The following CSMD1 variants were observed in gnomAD, a reference collection of about 807,000 sequenced individuals.
CSMD1 encodes the protein CUB and Sushi multiple domains 1.
Under a neutral mutation model 417.5 loss-of-function variants are expected in CSMD1, and 213 were observed. That is an observed-to-expected ratio of 0.51 (90% CI 0.46 to 0.57). CSMD1 has a LOEUF of 0.57. Among genes scored for constraint, CSMD1 ranks in the 20% least tolerant of loss-of-function variants. The probability of loss-of-function intolerance (pLI) is 0.00; values close to 1 mark genes in which losing one functional copy is unlikely to be tolerated. For missense variants in CSMD1, 6,923 were observed against 4,529.7 expected, an observed-to-expected ratio of 1.53 and a Z score of -15.17; for synonymous variants, 2,862 against 1,736.8, an observed-to-expected ratio of 1.65 and a Z score of -16.11.
intron 5 of CSMD1, among the ~76,000 whole-genome samples, chr8:3,867,260 G>C (rs985930356): frequency 8.5e-5 from 13 of 152,216 alleles, no homozygotes; most frequent in East Asian, 3.9e-4. Context: ...TAAGAAGCAA[G>C]ACCATACCAT....
At chr8:3,246,964 T>C (rs897559682) in intron 26 of CSMD1, among the ~76,000 whole-genome samples, 2 of 152,164 alleles carry the variant, frequency 1.3e-5, no homozygotes, top group Non-Finnish European at 2.9e-5. Context: ...TTATAGAACT[T>C]TTGTAAGTGA....
rs575149059 is a variant in CSMD1, at chr8:3,988,437, C to T, written c.818+9466G>A. Among the ~76,000 whole-genome samples, 7 of 152,252 alleles carry T rather than the reference C, an allele frequency of 4.6e-5. No homozygotes were observed. The South Asian group carries it at 8.3e-4, about 18-fold the overall frequency. ...TAGGTCTGTGTTTGTCAAATATGTA[C>T]GCCACTCACAAACACCCTAACCTCT... is the stretch of plus-strand genomic sequence containing the variant. On this transcript the variant is annotated intron_variant, in intron 5 of 69. Transcript: ENST00000635120.
At chr8:4,736,290 T>C (rs1810229372) in intron 1 of CSMD1, among the ~76,000 whole-genome samples, 1 of 152,186 alleles carries the variant, frequency 6.6e-6, no homozygotes. Context: ...GCACACTCTG[T>C]TGTGTATCCA....
intron 3 of CSMD1, among the ~76,000 whole-genome samples, chr8:4,395,466 T>G (rs924401866): frequency 6.6e-6 from 1 of 151,380 alleles, no homozygotes. Flanking sequence ...GCAGCAAGAT[T>G]ACTGTTTCGA....
intron 2 of CSMD1, among the ~76,000 whole-genome samples, chr8:4,526,419 C>T (rs1185782504): frequency 1.3e-5 from 2 of 152,212 alleles, no homozygotes; most frequent in African/African-American, 4.8e-5. Flanking sequence ...TGCCCAAGGG[C>T]AAATGCCTAG....
chr8:4,631,003 G>C (rs1802477487), intron 2 of CSMD1, among the ~76,000 whole-genome samples: 1 of 152,162 alleles, frequency 6.6e-6, no homozygotes, highest in Non-Finnish European at 1.5e-5. Flanking sequence ...CCCTATAAAA[G>C]CTTTGACAGT....
At chr8:4,577,613 G>C (rs915816463) in intron 2 of CSMD1, among the ~76,000 whole-genome samples, 2 of 152,064 alleles carry the variant, frequency 1.3e-5, no homozygotes, top group African/African-American at 4.8e-5. Flanking sequence ...TTCTTCACCA[G>C]GTAAGTCTTA....
chr8:4,579,035 T>A (rs930961821), intron 2 of CSMD1, among the ~76,000 whole-genome samples: 1 of 151,842 alleles, frequency 6.6e-6, no homozygotes, highest in Admixed American at 6.6e-5. Flanking sequence ...AAAGGCACAA[T>A]GTTAGACACT....
intron 49 of CSMD1, among the ~76,000 whole-genome samples, chr8:3,080,309 G>A (rs141426355): frequency 9.2e-5 from 14 of 152,258 alleles, no homozygotes; most frequent in Non-Finnish European, 1.8e-4. Flanking sequence ...TGCTGATAAT[G>A]GAAACAGCTG....
chr8:3,969,788 A>T (rs928845789), intron 5 of CSMD1, among the ~76,000 whole-genome samples: 2 of 152,164 alleles, frequency 1.3e-5, no homozygotes, highest in African/African-American at 4.8e-5. Context: ...CTGAAGAAGA[A>T]ATCTAACCTC....
intron 2 of CSMD1, among the ~76,000 whole-genome samples, chr8:4,469,260 CT>C (rs1800377499): frequency 6.6e-6 from 1 of 152,176 alleles, no homozygotes; most frequent in Admixed American, 6.5e-5. Context: ...AGGGGTCAGG[CT>C]GCAGCAAAGA....
chr8:4,078,908 T>G (rs1799975894), intron 3 of CSMD1, among the ~76,000 whole-genome samples: 1 of 39,848 alleles, frequency 2.5e-5, no homozygotes, highest in Admixed American at 3.2e-4. Flanking sequence ...TATATATATA[T>G]ATATATATAT....
In CSMD1 at chr8:4,723,792, A is replaced by AC. The variant is rs1447082997; in HGVS notation, c.86-86235_86-86234insG. On this transcript the variant is annotated intron_variant, in intron 1 of 69. Coordinates refer to ENST00000635120, the MANE Select transcript of CSMD1 (RefSeq NM_033225.6). ...ATGCAATATGCTTTCGAATGTAAAA[A>AC]AAAAAAAACAAAAAAAAAACAAAAC... Among the ~76,000 whole-genome samples, 38 of 145,972 alleles carry AC rather than the reference A, an allele frequency of 2.6e-4. No individual in the cohort carries two copies. The East Asian group carries it at 6.5e-3, about 25-fold the overall frequency.
intron 41 of CSMD1, among the ~76,000 whole-genome samples, 172 bp from the exon 42 acceptor site, chr8:3,118,759 G>A (rs187244182): frequency 6.6e-6 from 1 of 152,190 alleles, no homozygotes; most frequent in African/African-American, 2.4e-5. Flanking sequence ...ATTATTATTA[G>A]TAGTAGTAGA....
At chr8:4,559,239 A>G (rs1179937860) in intron 2 of CSMD1, among the ~76,000 whole-genome samples, 1 of 149,538 alleles carries the variant, frequency 6.7e-6, no homozygotes, top group Non-Finnish European at 1.5e-5. Context: ...AAAATGTTGG[A>G]TAAACTTAAA....
intron 25 of CSMD1, among the ~76,000 whole-genome samples, chr8:3,286,771 G>A (rs1354395309): frequency 1.3e-5 from 2 of 152,096 alleles, no homozygotes; most frequent in East Asian, 3.9e-4. Flanking sequence ...CATTCTGTAG[G>A]TTGAGTGTTG....
chr8:4,040,167 G>C (rs1196348629), intron 3 of CSMD1, among the ~76,000 whole-genome samples: 1 of 152,158 alleles, frequency 6.6e-6, no homozygotes, highest in African/African-American at 2.4e-5. Flanking sequence ...TGAAATGCTA[G>C]CATAGTTGTA....
intron 5 of CSMD1, among the ~76,000 whole-genome samples, chr8:3,897,344 C>T (rs949711353): frequency 2.6e-5 from 4 of 152,158 alleles, no homozygotes; most frequent in African/African-American, 9.7e-5. Context: ...CTCTTATAAG[C>T]AGTGTGCTCT....
chr8:4,845,789 G>C (rs142872613), intron 1 of CSMD1, among the ~76,000 whole-genome samples: 55 of 152,276 alleles, frequency 3.6e-4, no homozygotes, highest in African/African-American at 1.3e-3. Flanking sequence ...TATCACAAGG[G>C]CGGATTTTAC....
Sources: gnomAD v4.1 joint callset for allele counts (sites outside exome capture counted in the v4.1 genomes callset) on GRCh38, gnomAD v4.1.1 for gene constraint, MANE v1.5 for transcripts, NCBI Gene and HGNC (gene_info 2026-07-23, HGNC 2026-07-21) for gene names.